The following CBL variants were observed in gnomAD, a reference collection of about 807,000 sequenced individuals.
CBL encodes the protein Cbl proto-oncogene, also known as E3 ubiquitin-protein ligase CBL.
CBL carries 45 observed loss-of-function variants against 96.9 expected under a neutral mutation model. The observed-to-expected ratio is 0.46, with a 90% confidence interval of 0.37 to 0.60. The LOEUF is 0.60. CBL is among the 20% of genes least tolerant of loss of function. CBL has a pLI of 0.00. For missense variants in CBL, 1,024 were observed against 1,143.5 expected (o/e 0.90, Z 1.51); for synonymous variants, 420 against 426.8 (o/e 0.98, Z 0.20).
At chr11:119,211,660 C>T (rs1949320122) in intron 1 of CBL, among the ~76,000 whole-genome samples, 1 of 151,926 alleles carries the variant, frequency 6.6e-6, no homozygotes, top group Non-Finnish European at 1.5e-5. Context: ...CCCACCAGCA[C>T]ACCCAGCTAA....
rs191775428 is a variant in CBL, at chr11:119,265,697, A to C, written c.444-6038A>C. 6.6e-5 allele frequency among the ~76,000 whole-genome samples: 10 copies of C among 152,154 alleles called. No homozygotes were observed. In the East Asian group the frequency reaches 1.9e-3, roughly 29 times the overall value. ...AGATCAGGAGTTCGAGACCAGCCTG[A>C]CCAATATGGTGAAACCCTGTCTCTA... On this transcript the variant is annotated intron_variant, in intron 2 of 15. Coordinates refer to ENST00000264033, the MANE Select transcript of CBL (RefSeq NM_005188.4).
intron 12 of CBL, among the ~76,000 whole-genome samples, chr11:119,293,673 A>T (rs1291766290): frequency 1.3e-5 from 2 of 152,018 alleles, no homozygotes; most frequent in African/African-American, 4.8e-5. Flanking sequence ...CTGTCATTAT[A>T]CCCCAAAATT....
Position 119,305,348 on chromosome 11 carries a change from T to C in CBL, c.*5567T>C, listed in dbSNP as rs1950127389. On this transcript the variant is annotated 3_prime_UTR_variant, in exon 16 of 16. Transcript: ENST00000264033. Reference sequence around the variant, plus strand: ...AGCCTTCCTTAGCCTCCATTCAGCCTCAGGTCTTTTGCCTTCTTCCGTGTT... The same window carrying C: ...AGCCTTCCTTAGCCTCCATTCAGCCCCAGGTCTTTTGCCTTCTTCCGTGTT... 1 of 232,116 alleles carries C rather than the reference T, an allele frequency of 4.3e-6. No homozygotes were observed. Among genetic ancestry groups the C allele is most frequent in the Non-Finnish European group, 8.5e-6 (1 of 117,320 alleles). The allele number at this position is 232,116 out of a possible 1,614,324, so 14.4% of individuals were successfully genotyped here.
At chr11:119,234,919 C>T (rs1949531330) in intron 2 of CBL, among the ~76,000 whole-genome samples, 2 of 152,106 alleles carry the variant, frequency 1.3e-5, no homozygotes, top group African/African-American at 4.8e-5. Context: ...TCTTTTAACA[C>T]AGTGGCATGA....
chr11:119,270,732 C>T lies in CBL; in HGVS notation c.444-1003C>T, dbSNP rs183515072. Among the ~76,000 whole-genome samples the T allele has an allele frequency of 4.1e-3, 625 of 152,094 alleles. 3 individuals carry two copies. Among genetic ancestry groups the T allele is most frequent in the Admixed American group, 7.5e-3 (115 of 15,282 alleles). ...AAGTGCTGGGATTACAGGCGTGAGC[C>T]ACCGCGCCCGGCCATTTTTATATTT... is the stretch of plus-strand genomic sequence containing the variant. On this transcript the variant is annotated intron_variant, in intron 2 of 15. Coordinates refer to ENST00000264033, the MANE Select transcript of CBL (RefSeq NM_005188.4).
In CBL at chr11:119,278,648, G is replaced by T. The variant is rs886041472; in HGVS notation, c.1366G>T (p.Asp456Tyr). The change falls in exon 9 of 16, where the codon GAT becomes TAT. Residue 456 changes from aspartate to tyrosine, a missense_variant. By Grantham distance (160) the Asp-to-Tyr change is radical. Around this residue, in one of 4 missense-constraint regions of CBL, gnomAD observed 695 missense variants for 661.6 expected, o/e 1.05. Transcript: ENST00000264033. ...AGAGGGAGCTCCCTCCCCAAATTAT[G>T]ATGATGATGATGATGAACGAGCTGA... ...GAEGAPSPNYDDDDDERADDT... is the reference protein window; with the variant it reads ...GAEGAPSPNYYDDDDERADDT... 8 of 1,577,104 alleles carry T rather than the reference G, an allele frequency of 5.1e-6. No individual in the cohort carries two copies. The highest frequency in any genetic ancestry group is 1.7e-5 in the Admixed American group (1 of 59,628).
chr11:119,240,335 T>G (rs78693512), intron 2 of CBL, among the ~76,000 whole-genome samples: 5,203 of 151,252 alleles, frequency 0.034, 321 homozygotes, highest in African/African-American at 0.12. Flanking sequence ...AAAAGAAAAA[T>G]TGCACTAAAG....
At chr11:119,241,356 G>T (rs993757792) in intron 2 of CBL, among the ~76,000 whole-genome samples, 2 of 152,116 alleles carry the variant, frequency 1.3e-5, no homozygotes, top group Non-Finnish European at 2.9e-5. Context: ...TTAAAAACTT[G>T]ATTGTATTCA....
At position 119,285,463 on chromosome 11, in the gene CBL, A is replaced by G. The variant is rs1949977029; in HGVS notation, c.1838A>G (p.Glu613Gly). 1 of 1,614,208 alleles carries G rather than the reference A, an allele frequency of 6.2e-7. No individual in the cohort carries two copies. The highest frequency in any genetic ancestry group is 2.2e-5 in the East Asian group (1 of 44,884). ...PSSSDPWTGR[E>G]LTNRHSLPFS... ...TCCAGTGATCCCTGGACAGGAAGAG[A>G]ATTAACCAACCGGCACTCACTTCCA... Residue 613 changes from glutamate (E) to glycine (G), a missense_variant, in exon 11 of 16, where the codon GAA becomes GGA. Coordinates refer to ENST00000264033, the MANE Select transcript of CBL (RefSeq NM_005188.4).
intron 2 of CBL, among the ~76,000 whole-genome samples, chr11:119,243,942 T>C (rs1949606075): frequency 2.0e-5 from 3 of 152,136 alleles, no homozygotes; most frequent in African/African-American, 7.2e-5. Context: ...TTTCCCAGGC[T>C]GGTCTCAAAC....
intron 1 of CBL, among the ~76,000 whole-genome samples, chr11:119,212,759 C>T (rs2135249504): frequency 6.6e-6 from 1 of 151,530 alleles, no homozygotes; most frequent in Admixed American, 6.6e-5. Context: ...GCCTGTAATC[C>T]CAGCACTTTG....
chr11:119,222,231 C>G (rs889400092), intron 1 of CBL, among the ~76,000 whole-genome samples: 10 of 152,130 alleles, frequency 6.6e-5, no homozygotes, highest in Admixed American at 6.6e-5. Context: ...AACACAGATT[C>G]CTTAGTGTTA....
intron 1 of CBL, among the ~76,000 whole-genome samples, chr11:119,220,556 G>A (rs1359403140): frequency 6.6e-6 from 1 of 152,104 alleles, no homozygotes; most frequent in South Asian, 2.1e-4. Flanking sequence ...CTGTGATGAC[G>A]CCACTGCACT....
Position 119,303,525 on chromosome 11 carries a change from A to C in CBL, c.*3744A>C. On this transcript the variant is annotated 3_prime_UTR_variant, in exon 16 of 16. Coordinates refer to ENST00000264033, the MANE Select transcript of CBL (RefSeq NM_005188.4). ...GACCTTAAAATAGCTCTTCCCAGTA[A>C]GATTGTGCAATTTTTATTCACAGCT... The C allele has an allele frequency of 4.3e-6, 1 of 233,620 alleles. No homozygotes were observed. The highest frequency in any genetic ancestry group is 8.5e-6 in the Non-Finnish European group (1 of 118,028). 14.5% of individuals were successfully genotyped at this position (233,620 alleles called of 1,614,324 possible). A position where few individuals can be genotyped will look rare whatever the true frequency, so the allele number is the denominator to read the frequency against.
intron 2 of CBL, among the ~76,000 whole-genome samples, chr11:119,264,754 AT>A (rs1949788414): frequency 6.6e-6 from 1 of 151,454 alleles, no homozygotes; most frequent in Admixed American, 6.6e-5. Flanking sequence ...AAGTGCTGGG[AT>A]TACAGGCATA....
Position 119,206,413 on chromosome 11 carries a change from A to G in CBL, c.-5A>G, listed in dbSNP as rs552214111. On this transcript the variant is annotated 5_prime_UTR_variant, in exon 1 of 16. Transcript: ENST00000264033. Reference sequence around the variant, plus strand: ...ACCCGCCTGGGCTCCGACCCTGCCCAGGCCATGGCCGGCAACGTGAAGAAG... The same window carrying G: ...ACCCGCCTGGGCTCCGACCCTGCCCGGGCCATGGCCGGCAACGTGAAGAAG... 56 of 1,552,702 alleles carry G rather than the reference A, an allele frequency of 3.6e-5. No individual in the cohort carries two copies. In the African/African-American group the frequency reaches 4.5e-4, roughly 12 times the overall value.
chr11:119,211,953 A>AT (rs1949322348), intron 1 of CBL, among the ~76,000 whole-genome samples: 1 of 151,108 alleles, frequency 6.6e-6, no homozygotes, highest in African/African-American at 2.4e-5. Context: ...GAGTTCCACT[A>AT]TTGTTGCCCA....
chr11:119,266,813 G>T (rs1949806392), intron 2 of CBL, among the ~76,000 whole-genome samples: 1 of 152,138 alleles, frequency 6.6e-6, no homozygotes, highest in African/African-American at 2.4e-5. Context: ...TGTGTTACTG[G>T]GTTAGAGAAA....
chr11:119,206,490 C>T lies in CBL; in HGVS notation c.73C>T (p.Leu25=). ...CTCCGGGGGCTCGGGTTCGGGTGGCCTGATTGGGCTCATGAAGGACGCCTT... is the reference window on the plus strand; with the variant it reads ...CTCCGGGGGCTCGGGTTCGGGTGGCTTGATTGGGCTCATGAAGGACGCCTT... The part of the protein sequence containing the change: ...SGSGGSGSGG[L]IGLMKDAFQP... Residue 25 remains leucine, a synonymous_variant, in exon 1 of 16, where the codon CTG becomes TTG. Coordinates refer to ENST00000264033, the MANE Select transcript of CBL (RefSeq NM_005188.4). 1 of 1,571,692 alleles carries T rather than the reference C, an allele frequency of 6.4e-7. No homozygotes were observed. Among genetic ancestry groups the T allele is most frequent in the South Asian group, 1.2e-5 (1 of 86,102 alleles).
Sources: allele counts gnomAD v4.1 joint callset (sites outside exome capture counted in the v4.1 genomes callset), GRCh38; gene constraint gnomAD v4.1.1; regional missense constraint gnomAD v4.1.1; transcripts MANE v1.5; gene names NCBI Gene and HGNC (gene_info 2026-07-23, HGNC 2026-07-21).